Variants in PDE4D observed in about 807,000 individuals in gnomAD.
PDE4D encodes the protein 3',5'-cyclic-AMP phosphodiesterase 4D.
Under a neutral mutation model 87.4 loss-of-function variants are expected in PDE4D, and 24 were observed. That is an observed-to-expected ratio of 0.27 (90% CI 0.20 to 0.39). PDE4D has a LOEUF of 0.39. Ranked by LOEUF, PDE4D falls within the 10% of genes least tolerant of loss-of-function variation. The pLI is 1.00. For missense variants in PDE4D, 714 were observed against 1,041.0 expected (o/e 0.69, Z 4.32); for synonymous variants, 384 against 383.2 (o/e 1.00, Z -0.02).
At chr5:59,520,146 C>T (rs183731842) in intron 1 of PDE4D, among the ~76,000 whole-genome samples, 11 of 152,130 alleles carry the variant, frequency 7.2e-5, no homozygotes, top group Admixed American at 5.9e-4. Context: ...ACCTGTAGTC[C>T]CAGCTACTTC....
chr5:59,326,582 G>T (rs1035395999), intron 1 of PDE4D, among the ~76,000 whole-genome samples: 7 of 151,968 alleles, frequency 4.6e-5, no homozygotes, highest in Non-Finnish European at 1.0e-4. Context: ...TAAAAATCTG[G>T]CTATTAATAA....
chr5:59,077,715 T>C (rs1012550481), intron 5 of PDE4D, among the ~76,000 whole-genome samples: 8 of 152,204 alleles, frequency 5.3e-5, no homozygotes, highest in African/African-American at 1.9e-4. Flanking sequence ...ACCATGCATA[T>C]CAGTCAGTCA....
chr5:59,542,327 C>T (rs942126253), intron 1 of PDE4D, among the ~76,000 whole-genome samples: 1 of 152,102 alleles, frequency 6.6e-6, no homozygotes, highest in Non-Finnish European at 1.5e-5. Flanking sequence ...ATGCAGCACC[C>T]AGTGATCACA....
intron 2 of PDE4D, among the ~76,000 whole-genome samples, chr5:60,149,902 C>T (rs1420236405): frequency 1.4e-5 from 2 of 145,090 alleles, no homozygotes; most frequent in African/African-American, 5.0e-5. Flanking sequence ...ATTATATATA[C>T]TAGTATATAA....
At chr5:59,134,023 G>C (rs927617681) in intron 5 of PDE4D, among the ~76,000 whole-genome samples, 1 of 143,408 alleles carries the variant, frequency 7.0e-6, no homozygotes, top group African/African-American at 2.6e-5. Flanking sequence ...GGGAAGCTCT[G>C]ACAAGCTTAG....
intron 1 of PDE4D, among the ~76,000 whole-genome samples, chr5:59,527,828 A>T (rs967096923): frequency 6.6e-6 from 1 of 152,214 alleles, no homozygotes; most frequent in African/African-American, 2.4e-5. Flanking sequence ...AATCACCATG[A>T]GCTAGGAATA....
chr5:60,014,179 T>C (rs1765301187), intron 2 of PDE4D, among the ~76,000 whole-genome samples: 1 of 150,862 alleles, frequency 6.6e-6, no homozygotes, highest in Admixed American at 6.6e-5. Context: ...AGAGGCCATA[T>C]GGAAAAGCTC....
At chr5:60,475,661 G>A (rs771274672) in intron 1 of PDE4D, among the ~76,000 whole-genome samples, 1 of 151,870 alleles carries the variant, frequency 6.6e-6, no homozygotes, top group African/African-American at 2.4e-5. Context: ...TTATATACTA[G>A]AAATGTTTCT....
chr5:59,447,361 AAC>A (rs1798498533), intron 1 of PDE4D, among the ~76,000 whole-genome samples: 1 of 151,906 alleles, frequency 6.6e-6, no homozygotes, highest in Non-Finnish European at 1.5e-5. Context: ...AGGTAAAGAA[AAC>A]ACTCCCTCAT....
chr5:59,624,451 A>G (rs1013691626), intron 1 of PDE4D, among the ~76,000 whole-genome samples: 1 of 152,064 alleles, frequency 6.6e-6, no homozygotes, highest in Non-Finnish European at 1.5e-5. Flanking sequence ...AAGCTTCCTG[A>G]GAGACTGGGA....
intron 1 of PDE4D, among the ~76,000 whole-genome samples, chr5:59,833,629 T>C (rs984002003): frequency 2.0e-5 from 3 of 152,014 alleles, no homozygotes; most frequent in Non-Finnish European, 4.4e-5. Context: ...TTATCCAATA[T>C]CAACAAGTTT....
intron 5 of PDE4D, chr5:59,039,505 GCCA>G (rs1267319829): frequency 1.2e-5 from 12 of 985,716 alleles, no homozygotes; most frequent in Non-Finnish European, 1.4e-5. Context: ...CGGGTGCGCG[GCCA>G]CCACGTTTCC....
At chr5:59,921,463 T>A (rs1754662918) in intron 3 of PDE4D, among the ~76,000 whole-genome samples, 1 of 152,170 alleles carries the variant, frequency 6.6e-6, no homozygotes, top group South Asian at 2.1e-4. Context: ...AGATACGCAA[T>A]ATTGATTTAT....
chr5:59,229,208 C>T (rs565594373), intron 1 of PDE4D, among the ~76,000 whole-genome samples: 37 of 152,254 alleles, frequency 2.4e-4, no homozygotes, highest in Middle Eastern at 3.4e-3. Context: ...GTGCCTCACA[C>T]GTACGAGTTG....
intron 2 of PDE4D, among the ~76,000 whole-genome samples, chr5:60,131,315 C>T (rs1461321470): frequency 6.6e-6 from 1 of 152,178 alleles, no homozygotes; most frequent in African/African-American, 2.4e-5. Context: ...GGGCCCTCTA[C>T]ATTGTGTTAG....
At chr5:60,109,176 C>T (rs1777391876) in intron 2 of PDE4D, among the ~76,000 whole-genome samples, 1 of 152,110 alleles carries the variant, frequency 6.6e-6, no homozygotes, top group African/African-American at 2.4e-5. Context: ...AAAAAACAAA[C>T]AACCCCATCA....
intron 1 of PDE4D, among the ~76,000 whole-genome samples, chr5:59,715,021 C>G (rs1348820868): frequency 2.6e-5 from 4 of 152,234 alleles, no homozygotes; most frequent in Non-Finnish European, 5.9e-5. Context: ...TTGGTCCCAA[C>G]TATGGAAAGA....
intron 2 of PDE4D, among the ~76,000 whole-genome samples, chr5:60,135,798 C>A (rs1000371012): frequency 1.3e-5 from 2 of 152,154 alleles, no homozygotes; most frequent in African/African-American, 2.4e-5. Flanking sequence ...TCTCTTCAGG[C>A]TTCCTTAATG....
chr5:59,397,830 C>T (rs200268275), intron 1 of PDE4D, among the ~76,000 whole-genome samples: 2,935 of 75,672 alleles, frequency 0.039, 6 homozygotes, highest in Non-Finnish European at 0.046. Flanking sequence ...TGATAGACCG[C>T]TAGCAAGACT....
Sources: gnomAD v4.1 joint callset for allele counts (sites outside exome capture counted in the v4.1 genomes callset) on GRCh38, gnomAD v4.1.1 for gene constraint, MANE v1.5 for transcripts, NCBI Gene and HGNC (gene_info 2026-07-23, HGNC 2026-07-21) for gene names.